Variants in RASSF3 observed in about 807,000 individuals in gnomAD.
RASSF3 encodes the protein Ras association domain family member 3, also known as ras association domain-containing protein 3.
RASSF3 carries 19 observed loss-of-function variants against 19.9 expected under a neutral mutation model. The observed-to-expected ratio is 0.96, with a 90% CI of 0.67 to 1.40. The LOEUF is 1.40. Ranked by LOEUF, RASSF3 falls within the 40% of genes most tolerant of loss-of-function variation. The pLI is 0.00. For synonymous variants in RASSF3, 110 were observed against 104.2 expected (o/e 1.06, Z -0.34); for missense variants, 306 against 289.8 (o/e 1.06, Z -0.41).
At chr12:64,610,855 C>A in intron 1 of RASSF3, 112 bp downstream of exon 1, 1 of 558,872 alleles carries the variant, frequency 1.8e-6, no homozygotes, top group Non-Finnish European at 3.0e-6. Flanking sequence ...GGATGCTCGC[C>A]GGGAAGGAGG....
chr12:64,662,421 A>T (rs1872401345), intron 1 of RASSF3, among the ~76,000 whole-genome samples: 1 of 151,604 alleles, frequency 6.6e-6, no homozygotes, highest in Non-Finnish European at 1.5e-5. Flanking sequence ...ACCCTGTCTC[A>T]AACAAAGAAA....
chr12:64,615,798 C>T (rs952894970), intron 1 of RASSF3, among the ~76,000 whole-genome samples: 2 of 151,808 alleles, frequency 1.3e-5, no homozygotes, highest in South Asian at 2.1e-4. Flanking sequence ...CTCAGCCTCC[C>T]GAGTAGCTGG....
chr12:64,657,416 T>A lies in RASSF3; in HGVS notation c.112-27371T>A, dbSNP rs866284188. Among the ~76,000 whole-genome samples, 3 of 152,228 alleles carry A rather than the reference T, an allele frequency of 2.0e-5. No homozygotes were observed. The South Asian group carries it at 6.2e-4, about 31-fold the overall frequency. The stretch of plus-strand genomic sequence containing the variant: ...CAAATAACTATATACTGAAAAATGA[T>A]TCAAATGGTAAATTTTATGTTGTGT... On this transcript the variant is annotated intron_variant, in intron 1 of 4. Transcript: ENST00000542104.
chr12:64,634,762 T>TAAAAAA (rs57235286), intron 1 of RASSF3, among the ~76,000 whole-genome samples: 2 of 90,988 alleles, frequency 2.2e-5, no homozygotes, highest in African/African-American at 3.8e-5. Context: ...CACCATCTCA[T>TAAAAAA]AAAAAAAAAA....
chr12:64,617,556 C>CATTG (rs776182211), intron 1 of RASSF3, among the ~76,000 whole-genome samples: 2 of 152,054 alleles, frequency 1.3e-5, no homozygotes, highest in Non-Finnish European at 2.9e-5. Context: ...TAAAGCTATA[C>CATTG]ATTGATTGAT....
intron 1 of RASSF3, among the ~76,000 whole-genome samples, chr12:64,657,842 GA>G (rs1337837757): frequency 6.6e-6 from 1 of 152,230 alleles, no homozygotes; most frequent in East Asian, 1.9e-4. Flanking sequence ...AGTACTTTGG[GA>G]GGCTGAGGCA....
At chr12:64,532,398 C>G (rs867234656), upstream of RASSF3, among the ~76,000 whole-genome samples, 2 of 152,332 alleles carry the variant, frequency 1.3e-5, no homozygotes, top group Middle Eastern at 3.4e-3. Context: ...GTACCCTAAT[C>G]AATCAGCAGT....
chr12:64,535,995 C>CT (rs11312626), intron 1 of RASSF3, among the ~76,000 whole-genome samples: 8,753 of 104,388 alleles, frequency 0.084, 612 homozygotes, highest in South Asian at 0.11. Flanking sequence ...CCTGTTTTCA[C>CT]TTTTTTTTTT....
At chr12:64,650,278 C>T (rs1171352271) in intron 1 of RASSF3, among the ~76,000 whole-genome samples, 1 of 152,154 alleles carries the variant, frequency 6.6e-6, no homozygotes. Context: ...GGAAGCAGTG[C>T]CTCAAGGCAA....
At chr12:64,641,903 C>T (rs994032413) in intron 1 of RASSF3, among the ~76,000 whole-genome samples, 1 of 151,696 alleles carries the variant, frequency 6.6e-6, no homozygotes, top group Admixed American at 6.6e-5. Context: ...CCACCACGCC[C>T]GGCTAATTTT....
chr12:64,612,479 C>CTTTTT (rs369436937), intron 1 of RASSF3, among the ~76,000 whole-genome samples: 17 of 119,364 alleles, frequency 1.4e-4, no homozygotes, highest in East Asian at 7.4e-4. Context: ...TTTAGCGTTT[C>CTTTTT]TTTTTTTTTT....
At chr12:64,515,181 C>T (rs1406997867) in intron 1 of RASSF3, among the ~76,000 whole-genome samples, 1 of 151,988 alleles carries the variant, frequency 6.6e-6, no homozygotes, top group Non-Finnish European at 1.5e-5. Context: ...CTCAGCCTCC[C>T]GAGTAGCTGG....
At chr12:64,580,616 C>T (rs1010085833) in intron 2 of RASSF3, among the ~76,000 whole-genome samples, 7 of 113,734 alleles carry the variant, frequency 6.2e-5, no homozygotes, top group African/African-American at 2.1e-4. Flanking sequence ...ACACACACAT[C>T]CACACAGATA....
At chr12:64,584,111 G>T (rs904616525) in intron 2 of RASSF3, among the ~76,000 whole-genome samples, 1 of 152,104 alleles carries the variant, frequency 6.6e-6, no homozygotes, top group African/African-American at 2.4e-5. Context: ...GATCTCTCAG[G>T]CGTTTCCTTC....
intron 1 of RASSF3, among the ~76,000 whole-genome samples, chr12:64,641,625 ATCTC>A (rs200524784): frequency 7.1e-6 from 1 of 140,968 alleles, no homozygotes; most frequent in Non-Finnish European, 1.5e-5. Flanking sequence ...GTGAGACCCC[ATCTC>A]TCTCTCTCTT....
chr12:64,563,244 A>G (rs1237759833), intron 2 of RASSF3, among the ~76,000 whole-genome samples: 2 of 150,256 alleles, frequency 1.3e-5, no homozygotes, highest in African/African-American at 4.9e-5. Context: ...TCGGCTTACT[A>G]CAACCTCCGC....
At chr12:64,516,264 C>G (rs1229407121) in intron 1 of RASSF3, among the ~76,000 whole-genome samples, 2 of 152,054 alleles carry the variant, frequency 1.3e-5, no homozygotes, top group African/African-American at 4.8e-5. Flanking sequence ...TAATATTGTT[C>G]TAAATATACC....
chr12:64,688,934 G>A (rs755256715), intron 3 of RASSF3, among the ~76,000 whole-genome samples: 2 of 152,260 alleles, frequency 1.3e-5, no homozygotes, highest in South Asian at 2.1e-4. Context: ...TGATGGAAAC[G>A]GCCCAGCCCT....
intron 1 of RASSF3, among the ~76,000 whole-genome samples, chr12:64,642,859 T>G (rs1284265224): frequency 2.0e-5 from 3 of 151,498 alleles, no homozygotes; most frequent in African/African-American, 4.8e-5. Context: ...GCAAGTTTCT[T>G]TCTTTCTTTT....
Sources: gnomAD v4.1 joint callset for allele counts (sites outside exome capture counted in the v4.1 genomes callset) on GRCh38, gnomAD v4.1.1 for gene constraint, MANE v1.5 for transcripts, NCBI Gene and HGNC (gene_info 2026-07-23, HGNC 2026-07-21) for gene names.